ZBTB20: variants seen among roughly 807,000 people sequenced by gnomAD.
ZBTB20 encodes the protein zinc finger and BTB domain-containing protein 20.
Under a neutral mutation model 56.9 loss-of-function variants are expected in ZBTB20, and 9 were observed. The ratio of observed to expected loss-of-function variants is 0.16; its 90% CI spans 0.10 to 0.28. The LOEUF is 0.28. ZBTB20 is among the 10% of genes least tolerant of loss of function. ZBTB20 has a pLI of 1.00. For synonymous variants in ZBTB20, 417 were observed against 420.7 expected, an observed-to-expected ratio of 0.99 and a Z score of 0.11; for missense variants, 655 against 1,003.0, an observed-to-expected ratio of 0.65 and a Z score of 4.69.
chr3:114,351,632 T>C lies in ZBTB20; in HGVS notation c.446A>G (p.Gln149Arg). The change falls in exon 11 of 12, where the codon CAG becomes CGG. Residue 149 changes from glutamine (Q) to arginine (R), a missense_variant. This residue lies in a region of ZBTB20 where 167 missense variants were observed against 281.9 expected (regional missense o/e 0.59). Coordinates refer to ENST00000675478, the MANE Select transcript of ZBTB20 (RefSeq NM_001348800.3). Reference protein sequence around the residue: ...DIEIPSVVSVQSVQKLIDFMY... With the variant: ...DIEIPSVVSVRSVQKLIDFMY... ...GAAGTCAATGAGCTTTTGCACTGACTGCACTGACACCACCGACGGGATCTC... is the reference window on the plus strand; with the variant it reads ...GAAGTCAATGAGCTTTTGCACTGACCGCACTGACACCACCGACGGGATCTC... 3 of 1,613,952 alleles carry C rather than the reference T, an allele frequency of 1.9e-6. No individual in the cohort carries two copies. The highest frequency in any genetic ancestry group is 2.5e-6 in the Non-Finnish European group (3 of 1,179,984).
intron 2 of ZBTB20, among the ~76,000 whole-genome samples, chr3:114,988,091 CTTTT>C (rs543706041): frequency 8.4e-6 from 1 of 118,818 alleles, no homozygotes; most frequent in Non-Finnish European, 1.9e-5. Context: ...TATCCAGTTT[CTTTT>C]TTTTTTTTTT....
chr3:115,031,964 A>G (rs1459613834), intron 2 of ZBTB20, among the ~76,000 whole-genome samples: 1 of 151,396 alleles, frequency 6.6e-6, no homozygotes, highest in African/African-American at 2.4e-5. Flanking sequence ...TGCTCTTAAT[A>G]CCCTCATCAA....
At chr3:114,534,188 A>G (rs2048185866) in intron 6 of ZBTB20, among the ~76,000 whole-genome samples, 1 of 152,178 alleles carries the variant, frequency 6.6e-6, no homozygotes, top group South Asian at 2.1e-4. Context: ...AAAGACACAG[A>G]CTGGAAAATT....
intron 1 of ZBTB20, among the ~76,000 whole-genome samples, chr3:115,109,732 T>C (rs1206885775): frequency 6.6e-6 from 1 of 152,166 alleles, no homozygotes; most frequent in Non-Finnish European, 1.5e-5. Flanking sequence ...GGGGAACAGA[T>C]TTGAAAGGAT....
At chr3:114,376,729 G>T (rs891882934) in intron 10 of ZBTB20, among the ~76,000 whole-genome samples, 1 of 152,180 alleles carries the variant, frequency 6.6e-6, no homozygotes, top group Non-Finnish European at 1.5e-5. Context: ...CTGTTCATGC[G>T]TAAGTGCATC....
At chr3:114,482,535 AT>A (rs1211601641) in intron 7 of ZBTB20, among the ~76,000 whole-genome samples, 3 of 152,138 alleles carry the variant, frequency 2.0e-5, no homozygotes, top group African/African-American at 2.4e-5. Flanking sequence ...AGGAGAAGAT[AT>A]TATCTTAATC....
At chr3:114,730,865 TA>T (rs1205677801) in intron 5 of ZBTB20, among the ~76,000 whole-genome samples, 1 of 152,190 alleles carries the variant, frequency 6.6e-6, no homozygotes. Flanking sequence ...AGGAATTACT[TA>T]AAGCCAATTT....
At chr3:115,048,808 C>T (rs1376701349) in intron 2 of ZBTB20, among the ~76,000 whole-genome samples, 2 of 152,032 alleles carry the variant, frequency 1.3e-5, no homozygotes, top group South Asian at 2.1e-4. Context: ...TTATTTAGCA[C>T]TTGTCTTAAA....
chr3:114,908,521 A>G (rs1019160183), intron 3 of ZBTB20, among the ~76,000 whole-genome samples: 1 of 152,012 alleles, frequency 6.6e-6, no homozygotes, highest in African/African-American at 2.4e-5. Flanking sequence ...CCACTTTTGC[A>G]GGATACCTTC....
At chr3:114,633,570 T>C (rs898404121) in intron 6 of ZBTB20, among the ~76,000 whole-genome samples, 1 of 152,202 alleles carries the variant, frequency 6.6e-6, no homozygotes, top group African/African-American at 2.4e-5. Context: ...CTGGGCAGTC[T>C]TGAAATGAGA....
chr3:114,784,580 G>A (rs997700516), intron 5 of ZBTB20, among the ~76,000 whole-genome samples: 18 of 152,148 alleles, frequency 1.2e-4, no homozygotes, highest in African/African-American at 4.3e-4. Flanking sequence ...CTCAGGGAAG[G>A]TGTGCTATGT....
intron 1 of ZBTB20, among the ~76,000 whole-genome samples, chr3:115,137,934 G>A (rs2084695671): frequency 1.3e-5 from 2 of 152,160 alleles, no homozygotes; most frequent in Admixed American, 6.6e-5. Flanking sequence ...CTCTAGGTTA[G>A]GACTGATGAT....
At chr3:114,407,943 T>C (rs1489840587) in intron 7 of ZBTB20, among the ~76,000 whole-genome samples, 1 of 152,142 alleles carries the variant, frequency 6.6e-6, no homozygotes, top group Non-Finnish European at 1.5e-5. Context: ...TACTTTAACA[T>C]ACACACATCT....
chr3:114,698,338 A>T (rs1316818876), intron 5 of ZBTB20, among the ~76,000 whole-genome samples: 1 of 152,184 alleles, frequency 6.6e-6, no homozygotes. Flanking sequence ...AAAATGAGGA[A>T]GAACGCTAAA....
intron 3 of ZBTB20, among the ~76,000 whole-genome samples, chr3:114,924,952 T>C (rs894216967): frequency 2.6e-5 from 4 of 150,970 alleles, no homozygotes; most frequent in Non-Finnish European, 1.5e-5. Context: ...AATACATTTC[T>C]CTGTTTTAAA....
intron 6 of ZBTB20, among the ~76,000 whole-genome samples, 173 bp downstream of exon 6, chr3:114,693,355 C>T (rs2062810014): frequency 6.6e-6 from 1 of 152,058 alleles, no homozygotes; most frequent in Non-Finnish European, 1.5e-5. Context: ...AAAGATCTGT[C>T]CTTTACCAAT....
chr3:114,766,869 T>G (rs1190111844), intron 5 of ZBTB20, among the ~76,000 whole-genome samples: 1 of 152,040 alleles, frequency 6.6e-6, no homozygotes, highest in Non-Finnish European at 1.5e-5. Context: ...CATAATCACC[T>G]TTTTCTTTCT....
intron 7 of ZBTB20, among the ~76,000 whole-genome samples, chr3:114,494,212 A>AT (rs1380543901): frequency 3.3e-5 from 5 of 152,008 alleles, no homozygotes; most frequent in East Asian, 3.9e-4. Flanking sequence ...GAGTTTTTGT[A>AT]TTTTTTTTCC....
intron 6 of ZBTB20, among the ~76,000 whole-genome samples, chr3:114,678,556 G>C (rs2061773933): frequency 6.6e-6 from 1 of 152,112 alleles, no homozygotes; most frequent in Non-Finnish European, 1.5e-5. Flanking sequence ...AAAGTCAGTA[G>C]TTTTCATGTA....
Sources: allele counts gnomAD v4.1 joint callset (sites outside exome capture counted in the v4.1 genomes callset), GRCh38; gene constraint gnomAD v4.1.1; regional missense constraint gnomAD v4.1.1; transcripts MANE v1.5; gene names NCBI Gene and HGNC (gene_info 2026-07-23, HGNC 2026-07-21).